Variants in MCHR2 observed in about 807,000 individuals in gnomAD.
MCHR2 encodes melanin-concentrating hormone receptor 2.
MCHR2 carries 15 observed loss-of-function variants against 24.8 expected under a neutral mutation model. The observed-to-expected ratio is 0.60, with a 90% CI of 0.40 to 0.93. The LOEUF (loss-of-function observed/expected upper bound fraction) is 0.93, where lower values mean the gene tolerates loss of function less well. MCHR2 is among the 40% of genes least tolerant of loss of function. MCHR2 has a pLI of 0.00. For synonymous variants in MCHR2, 151 were observed against 147.6 expected (o/e 1.02, Z -0.17); for missense variants, 386 against 408.7 (o/e 0.94, Z 0.48).
intron 1 of MCHR2, among the ~76,000 whole-genome samples, chr6:99,991,052 C>T (rs1190484512): frequency 1.3e-5 from 2 of 151,390 alleles, no homozygotes; most frequent in African/African-American, 4.9e-5. Flanking sequence ...GGGTGGTAAC[C>T]CCAGGGAGAG....
rs1774729027 is a variant in MCHR2 at position 99,939,353 on chromosome 6, T to A, written c.587+3596A>T. ...TTTATTTTTAAAATCTATTATGGAT[T>A]TTTGTGATGTGGTTGCAATGATGCT... On this transcript the variant is annotated intron_variant, in intron 4 of 5. Coordinates refer to ENST00000281806, the MANE Select transcript of MCHR2 (RefSeq NM_001040179.2). 3.9e-5 allele frequency among the ~76,000 whole-genome samples: 6 copies of A among 152,096 alleles called. No homozygotes were observed. In the South Asian group the frequency reaches 8.3e-4, roughly 21 times the overall value.
intron 2 of MCHR2, among the ~76,000 whole-genome samples, chr6:99,949,524 C>A (rs1774929432): frequency 6.6e-6 from 1 of 152,138 alleles, no homozygotes; most frequent in Admixed American, 6.6e-5. Context: ...TCATTGGTTA[C>A]AACTTCTATA....
intron 2 of MCHR2, 52 bp downstream of exon 2, chr6:99,955,914 G>C (rs895391713): frequency 3.0e-5 from 42 of 1,380,814 alleles, no homozygotes; most frequent in Middle Eastern, 1.9e-4. Flanking sequence ...AGCTTTGACT[G>C]TAGTTTCCTA....
chr6:99,961,344 A>T (rs1439681489), intron 1 of MCHR2, among the ~76,000 whole-genome samples: 1 of 152,134 alleles, frequency 6.6e-6, no homozygotes, highest in Admixed American at 6.6e-5. Flanking sequence ...TGACCCAGCG[A>T]TCCCATTACT....
At chr6:99,992,822 A>T (rs1257536102) in intron 1 of MCHR2, among the ~76,000 whole-genome samples, 1 of 152,218 alleles carries the variant, frequency 6.6e-6, no homozygotes, top group Non-Finnish European at 1.5e-5. Context: ...GGCCAATTCA[A>T]TTGTGACATT....
chr6:99,978,467 A>G (rs1345207917), intron 1 of MCHR2, among the ~76,000 whole-genome samples: 2 of 122,162 alleles, frequency 1.6e-5, no homozygotes, highest in Admixed American at 1.1e-4. Flanking sequence ...CTGTCAGGCT[A>G]GAGTGCAGTG....
At chr6:99,931,185 G>T (rs1285764033) in intron 5 of MCHR2, among the ~76,000 whole-genome samples, 2 of 152,172 alleles carry the variant, frequency 1.3e-5, no homozygotes, top group Non-Finnish European at 2.9e-5. Context: ...CTGTCTGATT[G>T]TTCCCCTGGA....
chr6:99,962,045 C>A (rs764893879), intron 1 of MCHR2, among the ~76,000 whole-genome samples: 1 of 152,024 alleles, frequency 6.6e-6, no homozygotes, highest in African/African-American at 2.4e-5. Flanking sequence ...AAGTAAAAAT[C>A]TTTTTACCTT....
At chr6:99,925,794 G>T (rs1274007936) in intron 5 of MCHR2, among the ~76,000 whole-genome samples, 1 of 149,420 alleles carries the variant, frequency 6.7e-6, no homozygotes, top group Non-Finnish European at 1.5e-5. Context: ...TATTATTTTT[G>T]TTTTTTTTGT....
Position 99,943,038 on chromosome 6 carries a change from C to T in MCHR2, c.498G>A (p.Leu166=), listed in dbSNP as rs778772988. 1.2e-6 allele frequency: 2 copies of T among 1,613,164 alleles called. No homozygotes were observed. The highest frequency in any genetic ancestry group is 1.7e-6 in the Non-Finnish European group (2 of 1,179,394). ...TGACCTTCGAGTAGACCCAGACAGG[C>T]AATGCCAGGATAAAGGAAGCTGCCC... ...GLWAASFILA[L]PVWVYSKVIK... The change falls in exon 4 of 6, where the codon TTG becomes TTA. Residue 166 remains leucine (L), a synonymous_variant. Coordinates refer to ENST00000281806, the MANE Select transcript of MCHR2 (RefSeq NM_001040179.2).
intron 5 of MCHR2, 44 bp downstream of exon 5, chr6:99,934,354 A>G (rs200908801): frequency 3.5e-5 from 53 of 1,507,756 alleles, no homozygotes; most frequent in East Asian, 2.4e-4. Flanking sequence ...GTCTTAGGCT[A>G]TCTAAATTGT....
intron 2 of MCHR2, among the ~76,000 whole-genome samples, chr6:99,955,508 ATC>A (rs1286489013): frequency 3.9e-5 from 6 of 152,164 alleles, no homozygotes; most frequent in Non-Finnish European, 7.4e-5. Context: ...GAGTAAAAGA[ATC>A]TCTTTCACCT....
intron 5 of MCHR2, among the ~76,000 whole-genome samples, chr6:99,928,649 T>C (rs1377436099): frequency 6.6e-6 from 1 of 152,222 alleles, no homozygotes; most frequent in Non-Finnish European, 1.5e-5. Flanking sequence ...TGTTCTCTGA[T>C]GGTAGTTTGT....
At chr6:99,964,027 G>A (rs1482860648) in intron 1 of MCHR2, among the ~76,000 whole-genome samples, 1 of 151,990 alleles carries the variant, frequency 6.6e-6, no homozygotes, top group East Asian at 1.9e-4. Context: ...ATATTTAAAA[G>A]GCATTTAATT....
chr6:99,967,649 A>C (rs1419871121), intron 1 of MCHR2, among the ~76,000 whole-genome samples: 1 of 152,176 alleles, frequency 6.6e-6, no homozygotes, highest in Non-Finnish European at 1.5e-5. Flanking sequence ...GAAAAAACCT[A>C]CTGCTAATGG....
intron 3 of MCHR2, among the ~76,000 whole-genome samples, chr6:99,945,330 G>A (rs1421017675): frequency 6.6e-6 from 1 of 152,134 alleles, no homozygotes; most frequent in Non-Finnish European, 1.5e-5. Context: ...ACTGACTCTT[G>A]ATGTTTTAGA....
rs575095540 is a variant in MCHR2 at position 99,918,792 on chromosome 6, T to A, written c.*2148A>T. 6.6e-6 allele frequency among the ~76,000 whole-genome samples: 1 copy of A among 152,216 alleles called. No individual in the cohort carries two copies. Among genetic ancestry groups the A allele is most frequent in the Non-Finnish European group, 1.5e-5 (1 of 68,040 alleles). The stretch of plus-strand genomic sequence containing the variant: ...AAAGGGACAAAAATAAATTTATTAA[T>A]CACCCTTTTTATTTTCTACTTTGAT... On this transcript the variant is annotated 3_prime_UTR_variant, in exon 6 of 6. Transcript: ENST00000281806.
chr6:99,943,304 T>A (rs1774812662), intron 3 of MCHR2, among the ~76,000 whole-genome samples, 161 bp from the exon 4 acceptor site: 1 of 150,222 alleles, frequency 6.7e-6, no homozygotes, highest in African/African-American at 2.4e-5. Flanking sequence ...ATATTTTAAT[T>A]TTTATTTATT....
Position 99,933,625 on chromosome 6 carries a change from G to A in MCHR2, c.707+773C>T, listed in dbSNP as rs560999060. On this transcript the variant is annotated intron_variant, in intron 5 of 5. Coordinates refer to ENST00000281806, the MANE Select transcript of MCHR2 (RefSeq NM_001040179.2). ...ACAAATTTTGAGGAATGGTGGTTAA[G>A]TTGCTCACATTTTTTTAAACAAAAA... is the stretch of plus-strand genomic sequence containing the variant. Among the ~76,000 whole-genome samples the A allele has an allele frequency of 1.5e-4, 22 of 142,158 alleles. 1 individual carries two copies. The South Asian group carries it at 4.8e-3, about 31-fold the overall frequency. 93.3% of individuals were successfully genotyped at this position (142,158 alleles called of 152,430 possible).
Sources: allele counts gnomAD v4.1 joint callset (sites outside exome capture counted in the v4.1 genomes callset), GRCh38; gene constraint gnomAD v4.1.1; transcripts MANE v1.5; gene names NCBI Gene and HGNC (gene_info 2026-07-23, HGNC 2026-07-21).